Variants in DYNC2H1 observed in about 807,000 individuals in gnomAD.
DYNC2H1 encodes cytoplasmic dynein 2 heavy chain 1.
In DYNC2H1, 410 loss-of-function variants were observed where a neutral mutation model predicts 570.0. The observed-to-expected ratio is 0.72, with a 90% confidence interval of 0.66 to 0.78. The LOEUF (loss-of-function observed/expected upper bound fraction) is 0.78. Ranked by LOEUF, DYNC2H1 falls within the 30% of genes least tolerant of loss-of-function variation. The pLI is 0.00. For synonymous variants in DYNC2H1, 1,688 were observed against 1,677.6 expected, an observed-to-expected ratio of 1.01 and a Z score of -0.15; for missense variants, 4,865 against 5,046.4, an observed-to-expected ratio of 0.96 and a Z score of 1.09.
At chr11:103,455,151 T>C (rs769725746) in intron 85 of DYNC2H1, 35 bp from the exon 86 acceptor site, 2 of 1,476,974 alleles carry the variant, frequency 1.4e-6, no homozygotes, top group Non-Finnish European at 1.9e-6. Context: ...TATAAGTGTG[T>C]GTGTATTTAT....
intron 75 of DYNC2H1, among the ~76,000 whole-genome samples, chr11:103,296,286 C>A (rs566974612): frequency 2.6e-4 from 40 of 152,228 alleles, no homozygotes; most frequent in African/African-American, 9.1e-4. Context: ...TCTTGCTCTG[C>A]CTCCTTCTTA....
intron 48 of DYNC2H1, 143 bp downstream of exon 48, chr11:103,198,206 T>A: frequency 1.0e-6 from 1 of 956,240 alleles, no homozygotes; most frequent in Non-Finnish European, 1.5e-6. Flanking sequence ...TTTAGTCCAT[T>A]GTGGCGGATG....
At chr11:103,188,758 T>C in intron 44 of DYNC2H1, 110 bp downstream of exon 44, 1 of 925,736 alleles carries the variant, frequency 1.1e-6, no homozygotes, top group Non-Finnish European at 1.5e-6. Flanking sequence ...ATAAAAATGG[T>C]CAAACTTAAC....
At chr11:103,400,492 G>A (rs1218896633) in intron 84 of DYNC2H1, among the ~76,000 whole-genome samples, 1 of 152,076 alleles carries the variant, frequency 6.6e-6, no homozygotes, top group Non-Finnish European at 1.5e-5. Context: ...TGAAAAATTG[G>A]ACCATTTTAA....
chr11:103,333,667 T>C (rs1459340156), intron 82 of DYNC2H1, among the ~76,000 whole-genome samples: 1 of 152,188 alleles, frequency 6.6e-6, no homozygotes, highest in Non-Finnish European at 1.5e-5. Context: ...CACATGACTA[T>C]TTTTTAATGG....
intron 65 of DYNC2H1, among the ~76,000 whole-genome samples, chr11:103,248,313 G>A (rs1864700624): frequency 1.3e-5 from 2 of 151,914 alleles, no homozygotes; most frequent in South Asian, 4.1e-4. Flanking sequence ...CTACATAATG[G>A]AATGGAATTT....
chr11:103,342,487 C>T (rs1293579543), intron 82 of DYNC2H1, among the ~76,000 whole-genome samples: 2 of 151,398 alleles, frequency 1.3e-5, no homozygotes, highest in Non-Finnish European at 2.9e-5. Context: ...TGCTGCAGCT[C>T]ACTCTTTGAG....
chr11:103,204,803 A>G lies in DYNC2H1; in HGVS notation c.8312-19A>G, dbSNP rs192623275. 4.5e-5 allele frequency: 71 copies of G among 1,562,344 alleles called. No homozygotes were observed. The highest frequency in any genetic ancestry group is 5.4e-5 in the Non-Finnish European group (62 of 1,151,094). ...GTATAGATTGCCTGATTGTATTATT[A>G]TTCTTATATATTTCTTAGGAATTCA... is the stretch of plus-strand genomic sequence containing the variant. On this transcript the variant is annotated intron_variant, in intron 51 of 88. Transcript: ENST00000375735. The surrounding 1 kb of genome is among the most constrained non-coding windows in gnomAD (Gnocchi z 4.1).
intron 84 of DYNC2H1, among the ~76,000 whole-genome samples, chr11:103,433,025 A>T (rs988919367): frequency 3.3e-5 from 5 of 152,104 alleles, no homozygotes; most frequent in Non-Finnish European, 5.9e-5. Flanking sequence ...CAATAACATG[A>T]TATATAATTT....
At chr11:103,398,298 T>C (rs780081410) in intron 83 of DYNC2H1, among the ~76,000 whole-genome samples, 3 of 152,190 alleles carry the variant, frequency 2.0e-5, no homozygotes, top group Non-Finnish European at 4.4e-5. Context: ...TTTTATAATA[T>C]TAGACATTTT....
At chr11:103,217,297 A>C (rs1353934978) in intron 55 of DYNC2H1, among the ~76,000 whole-genome samples, 2 of 856 alleles carry the variant, frequency 2.3e-3, no homozygotes, top group Non-Finnish European at 4.7e-3. Context: ...GGCTCACTGC[A>C]AGCTCCGCTT....
rs952618017 is a variant in DYNC2H1, at chr11:103,186,844, A to G, written c.6893+343A>G. Among the ~76,000 whole-genome samples the G allele has an allele frequency of 6.6e-5, 10 of 151,754 alleles. No individual in the cohort carries two copies. The highest frequency in any genetic ancestry group is 2.2e-4 in the African/African-American group (9 of 41,374). ...ATTTAAAATTTGAAGTTAGATCTCT[A>G]TTTAAAAGTAGCTTTTAATTCAGTG... On this transcript the variant is annotated intron_variant, in intron 42 of 88. Transcript: ENST00000375735. The surrounding 1 kb of genome is among the most constrained non-coding windows in gnomAD (Gnocchi z 4.5).
At chr11:103,393,391 A>C (rs1482693183) in intron 83 of DYNC2H1, among the ~76,000 whole-genome samples, 2 of 152,190 alleles carry the variant, frequency 1.3e-5, no homozygotes, top group Non-Finnish European at 2.9e-5. Context: ...CCTCAGGCCA[A>C]ATTATGGAGC....
At position 103,264,173 on chromosome 11, in the gene DYNC2H1, A is replaced by T. The variant is rs187689414; in HGVS notation, c.10695+4196A>T. Among the ~76,000 whole-genome samples the T allele has an allele frequency of 0.015, 2,225 of 152,320 alleles. 61 individuals carry two copies. The highest frequency in any genetic ancestry group is 0.051 in the African/African-American group (2,100 of 41,564). Reference sequence around the variant, plus strand: ...AAACCAGGAAGAAGTCGAATCCCTGAATAGACCAATAACAAGTTCTGAAAT... The same window carrying T: ...AAACCAGGAAGAAGTCGAATCCCTGTATAGACCAATAACAAGTTCTGAAAT... On this transcript the variant is annotated intron_variant, in intron 70 of 88. Transcript: ENST00000375735. This position sits in a 1 kb window ranked among gnomAD's most constrained non-coding sequence, Gnocchi z 4.8.
chr11:103,311,768 C>A, intron 78 of DYNC2H1, 110 bp from the exon 79 acceptor site: 1 of 1,052,478 alleles, frequency 9.5e-7, no homozygotes, highest in Non-Finnish European at 1.3e-6. Context: ...AACTCAAACC[C>A]GGTAAGCAGT....
Position 103,171,040 on chromosome 11 carries a change from G to A in DYNC2H1, c.5306G>A (p.Arg1769Lys). The change falls in exon 34 of 89, where the codon AGA (arginine) becomes AAA (lysine). Residue 1769 changes from arginine (R) to lysine (K), a missense_variant. Around this residue, in one of 5 missense-constraint regions of DYNC2H1, gnomAD observed 292 missense variants for 300.2 expected, o/e 0.97. Transcript: ENST00000375735. ...QTIQDALKNH[R>K]TVCELLGKEV... ...ATTCAAGATGCTTTGAAGAATCATAGAACTGTATGTGAACTGCTTGGCAAG... is the reference window on the plus strand; with the variant it reads ...ATTCAAGATGCTTTGAAGAATCATAAAACTGTATGTGAACTGCTTGGCAAG... 6.2e-7 allele frequency: 1 copy of A among 1,610,314 alleles called. No individual in the cohort carries two copies. The highest frequency in any genetic ancestry group is 8.5e-7 in the Non-Finnish European group (1 of 1,177,568).
At chr11:103,312,085 T>C (rs960402078) in intron 79 of DYNC2H1, 52 bp downstream of exon 79, 4 of 1,551,232 alleles carry the variant, frequency 2.6e-6, no homozygotes, top group Non-Finnish European at 3.5e-6. Flanking sequence ...TTTTGTATGT[T>C]AAAATATTTT....
Position 103,134,317 on chromosome 11 carries a change from A to T in DYNC2H1, c.2107-4A>T. The T allele has an allele frequency of 6.2e-7, 1 of 1,612,352 alleles. No homozygotes were observed. On this transcript the variant is annotated splice_region_variant and splice_polypyrimidine_tract_variant and intron_variant, in intron 14 of 88. Transcript: ENST00000375735. ...TGAGACTAGCATGCTCTAATTTTTC[A>T]TAGGTGGTTGTTCTTATGAATATTG... is the stretch of plus-strand genomic sequence containing the variant.
intron 78 of DYNC2H1, 74 bp from the exon 79 acceptor site, chr11:103,311,804 T>TTA: frequency 7.0e-7 from 1 of 1,437,672 alleles, no homozygotes; most frequent in Non-Finnish European, 9.3e-7. Flanking sequence ...AATTATGTTC[T>TTA]TAAATATGTT....
Sources: allele counts gnomAD v4.1 joint callset (sites outside exome capture counted in the v4.1 genomes callset), GRCh38; gene constraint gnomAD v4.1.1; regional missense constraint gnomAD v4.1.1; non-coding constraint Gnocchi (gnomAD v3.1); transcripts MANE v1.5; gene names NCBI Gene and HGNC (gene_info 2026-07-23, HGNC 2026-07-21).